Variants in FZD6 observed in about 807,000 individuals in gnomAD.
FZD6 encodes frizzled class receptor 6.
Under a neutral mutation model 61.4 loss-of-function variants are expected in FZD6, and 49 were observed. The observed-to-expected ratio is 0.80, with a 90% CI of 0.63 to 1.01. The LOEUF (loss-of-function observed/expected upper bound fraction) is 1.01, where lower values mean the gene tolerates loss of function less well. Among genes scored for constraint, FZD6 ranks in the 50% least tolerant of loss-of-function variants. The pLI, the probability that FZD6 is intolerant of heterozygous loss-of-function variation, is 0.00. For synonymous variants in FZD6, 265 were observed against 292.2 expected, an observed-to-expected ratio of 0.91 and a Z score of 0.95; for missense variants, 724 against 848.2, an observed-to-expected ratio of 0.85 and a Z score of 1.82.
chr8:103,310,146 A>G (rs564358835), intron 2 of FZD6, among the ~76,000 whole-genome samples: 2 of 152,326 alleles, frequency 1.3e-5, no homozygotes, highest in East Asian at 3.9e-4. Flanking sequence ...CCTAGTTACA[A>G]TATCACCAGG....
Position 103,317,120 on chromosome 8 carries a change from T to C in FZD6, c.178-1470T>C, listed in dbSNP as rs560081392. Among the ~76,000 whole-genome samples, 184 of 152,282 alleles carry C rather than the reference T, an allele frequency of 1.2e-3. 1 individual carries two copies. The highest frequency in any genetic ancestry group is 4.3e-3 in the African/African-American group (180 of 41,554). ...GGCAGGAATGCCTCTTTGAGGTGAA[T>C]TGAGTGGAGACTCAAATGAGGGCAC... On this transcript the variant is annotated intron_variant, in intron 2 of 6. Coordinates refer to ENST00000358755, the MANE Select transcript of FZD6 (RefSeq NM_003506.4).
At chr8:103,311,662 A>T (rs1483363736) in intron 2 of FZD6, among the ~76,000 whole-genome samples, 1 of 147,392 alleles carries the variant, frequency 6.8e-6, no homozygotes, top group Non-Finnish European at 1.5e-5. Context: ...CCTGGGCCAC[A>T]GAGTGAGAAC....
chr8:103,318,487 T>C, intron 2 of FZD6, 103 bp from the exon 3 acceptor site: 1 of 730,232 alleles, frequency 1.4e-6, no homozygotes, highest in South Asian at 1.5e-5. Flanking sequence ...AAAGATTCTT[T>C]TGCAGTATAA....
intron 2 of FZD6, among the ~76,000 whole-genome samples, chr8:103,304,632 G>A (rs1163968612): frequency 6.6e-6 from 1 of 152,190 alleles, no homozygotes; most frequent in Non-Finnish European, 1.5e-5. Flanking sequence ...CAGACAATAT[G>A]CCAACAAATG....
rs1415526913 is a variant in FZD6 at position 103,318,723 on chromosome 8, C to T, written c.311C>T (p.Ser104Phe). ...PCRKLCEKVY[S>F]DCKKLIDTFG... ...CGTAAACTTTGTGAGAAAGTATATTCTGATTGCAAAAAATTAATTGACACT... is the reference window on the plus strand; with the variant it reads ...CGTAAACTTTGTGAGAAAGTATATTTTGATTGCAAAAAATTAATTGACACT... Residue 104 changes from serine (S) to phenylalanine (F), a missense_variant, in exon 3 of 7, where the codon TCT becomes TTT. By Grantham distance (155) the Ser-to-Phe change is radical. Transcript: ENST00000358755. 3.1e-6 allele frequency: 5 copies of T among 1,610,542 alleles called. No homozygotes were observed. The highest frequency in any genetic ancestry group is 1.3e-5 in the African/African-American group (1 of 74,868).
chr8:103,330,075 G>C lies in FZD6; in HGVS notation c.1952+10G>C. 6.2e-7 allele frequency: 1 copy of C among 1,609,466 alleles called. No homozygotes were observed. Among genetic ancestry groups the C allele is most frequent in the Non-Finnish European group, 8.5e-7 (1 of 1,175,786 alleles). On this transcript the variant is annotated intron_variant, in intron 6 of 6. Coordinates refer to ENST00000358755, the MANE Select transcript of FZD6 (RefSeq NM_003506.4). ...CGCGGAGTGAAGGAAGGTGAGATTTGATTTTATGTAAAATCATCACTATTT... is the reference window on the plus strand; with the variant it reads ...CGCGGAGTGAAGGAAGGTGAGATTTCATTTTATGTAAAATCATCACTATTT...
In FZD6 at chr8:103,324,903, A is replaced by T. The variant is rs1281963730; in HGVS notation, c.797A>T (p.Lys266Met). 3 of 1,613,882 alleles carry T rather than the reference A, an allele frequency of 1.9e-6. No individual in the cohort carries two copies. The highest frequency in any genetic ancestry group is 2.5e-6 in the Non-Finnish European group (3 of 1,179,868). Residue 266 changes from lysine to methionine, a missense_variant, in exon 4 of 7, where the codon AAG (lysine) becomes ATG (methionine). By Grantham distance (95) the Lys-to-Met change is moderately conservative. Transcript: ENST00000358755. ...DSTACNKADE[K>M]LELGDTVVLG... is the part of the protein sequence containing the mutation. ...ACAGCCTGCAATAAGGCAGATGAGA[A>T]GCTAGAACTTGGTGACACTGTTGTC... is the stretch of plus-strand genomic sequence containing the variant.
At chr8:103,327,979 G>C (rs1371609120) in intron 4 of FZD6, among the ~76,000 whole-genome samples, 1 of 152,196 alleles carries the variant, frequency 6.6e-6, no homozygotes, top group East Asian at 1.9e-4. Flanking sequence ...AGAGGCTACT[G>C]TATCTATCGA....
intron 2 of FZD6, among the ~76,000 whole-genome samples, chr8:103,302,097 A>G (rs1264511849): frequency 6.6e-6 from 1 of 152,120 alleles, no homozygotes; most frequent in African/African-American, 2.4e-5. Flanking sequence ...GAAGAGAGCC[A>G]TCAAGCAGTC....
chr8:103,314,867 A>G (rs919460560), intron 2 of FZD6, among the ~76,000 whole-genome samples: 4 of 152,080 alleles, frequency 2.6e-5, no homozygotes, highest in African/African-American at 7.2e-5. Flanking sequence ...CTTTTTGTTT[A>G]TATGTTTTAA....
Position 103,328,331 on chromosome 8 carries a change from G to A in FZD6, c.1456G>A (p.Val486Ile). The change falls in exon 5 of 7, where the codon GTT (valine) becomes ATT (isoleucine). Residue 486 changes from valine (V) to isoleucine (I), a missense_variant. Val to Ile is a conservative substitution (Grantham distance 29). Coordinates refer to ENST00000358755, the MANE Select transcript of FZD6 (RefSeq NM_003506.4). ...GATAAAATACCTGATGACATTAATTGTTGGCATCTCTGCTGTCTTCTGGGT... is the reference window on the plus strand; with the variant it reads ...GATAAAATACCTGATGACATTAATTATTGGCATCTCTGCTGTCTTCTGGGT... ...FMIKYLMTLIVGISAVFWVGS... is the reference protein window; with the variant it reads ...FMIKYLMTLIIGISAVFWVGS... 6.2e-7 allele frequency: 1 copy of A among 1,611,112 alleles called. No homozygotes were observed. Among genetic ancestry groups the A allele is most frequent in the Non-Finnish European group, 8.5e-7 (1 of 1,177,386 alleles).
rs1177250197 is a variant in FZD6, at chr8:103,329,029, A to ATATATATATATATATATATATATATATG, written c.1541+616_1541+617insATATATATATATATATATATATATGTAT. On this transcript the variant is annotated intron_variant, in intron 5 of 6. Transcript: ENST00000358755. ...ATTTTAGTTTTATATATATATATAT[A>ATATATATATATATATATATATATATATG]TATGCACACACACTATATACAAGGT... is the stretch of plus-strand genomic sequence containing the variant. Among the ~76,000 whole-genome samples, 2 of 145,754 alleles carry ATATATATATATATATATATATATATATG rather than the reference A, an allele frequency of 1.4e-5. 1 individual carries two copies. The highest frequency in any genetic ancestry group is 4.0e-4 in the East Asian group (2 of 4,992).
intron 4 of FZD6, among the ~76,000 whole-genome samples, chr8:103,327,128 C>A (rs1814974278): frequency 6.6e-6 from 1 of 151,932 alleles, no homozygotes; most frequent in Non-Finnish European, 1.5e-5. Flanking sequence ...CTGATACTGC[C>A]CTTCTGGGAA....
intron 4 of FZD6, among the ~76,000 whole-genome samples, chr8:103,327,766 TA>T (rs1181949873): frequency 6.6e-6 from 1 of 152,118 alleles, no homozygotes; most frequent in Non-Finnish European, 1.5e-5. Context: ...TATGCCTGAA[TA>T]AAAAGTATAA....
chr8:103,331,551 A>G lies in FZD6; in HGVS notation c.*42A>G, dbSNP rs752732617. The G allele has an allele frequency of 1.7e-5, 22 of 1,284,056 alleles. No individual in the cohort carries two copies. The highest frequency in any genetic ancestry group is 2.3e-5 in the East Asian group (1 of 43,014). The allele number at this position is 1,284,056 out of a possible 1,614,324, so 79.5% of individuals were successfully genotyped here. Reference sequence around the variant, plus strand: ...TTACTCAGAAGCAAATTTGTGTTACACTGGAAGTGACCTATGCACTGTTTT... The same window carrying G: ...TTACTCAGAAGCAAATTTGTGTTACGCTGGAAGTGACCTATGCACTGTTTT... On this transcript the variant is annotated 3_prime_UTR_variant, in exon 7 of 7. Coordinates refer to ENST00000358755, the MANE Select transcript of FZD6 (RefSeq NM_003506.4).
At chr8:103,329,005 T>TA (rs1444071263) in intron 5 of FZD6, among the ~76,000 whole-genome samples, 69 of 34,130 alleles carry the variant, frequency 2.0e-3, no homozygotes, top group African/African-American at 5.7e-3. Context: ...GAGTAATTCA[T>TA]TTTAGTTTTA....
chr8:103,327,917 A>G (rs1391008860), intron 4 of FZD6, among the ~76,000 whole-genome samples: 1 of 152,168 alleles, frequency 6.6e-6, no homozygotes, highest in Non-Finnish European at 1.5e-5. Flanking sequence ...GTGGTAGATT[A>G]TAGTGGGGGA....
At chr8:103,309,085 A>G (rs703809) in intron 2 of FZD6, among the ~76,000 whole-genome samples, 143,492 of 152,254 alleles carry the variant, frequency 0.94, 67,674 homozygotes, top group East Asian at 1. Context: ...TTAAGCTTTG[A>G]TGTGCATCAG....
intron 2 of FZD6, among the ~76,000 whole-genome samples, chr8:103,309,690 T>C (rs1160702189): frequency 6.6e-6 from 1 of 152,102 alleles, no homozygotes; most frequent in Non-Finnish European, 1.5e-5. Context: ...ACTTGGAAAA[T>C]TGCAGTGGGT....
Sources: gnomAD v4.1 joint callset for allele counts (sites outside exome capture counted in the v4.1 genomes callset) on GRCh38, gnomAD v4.1.1 for gene constraint, MANE v1.5 for transcripts, NCBI Gene and HGNC (gene_info 2026-07-23, HGNC 2026-07-21) for gene names.